Variants in SLC24A2 observed in about 807,000 individuals in gnomAD.
The protein encoded by SLC24A2 is sodium/potassium/calcium exchanger 2.
Under a neutral mutation model 62.0 loss-of-function variants are expected in SLC24A2, and 36 were observed. The ratio of observed to expected loss-of-function variants is 0.58; its 90% CI spans 0.44 to 0.77. The LOEUF (loss-of-function observed/expected upper bound fraction) is 0.77. Among genes scored for constraint, SLC24A2 ranks in the 30% least tolerant of loss-of-function variants. The pLI is 0.00. For missense variants in SLC24A2, 846 were observed against 817.9 expected, an observed-to-expected ratio of 1.03 and a Z score of -0.42; for synonymous variants, 358 against 294.0, an observed-to-expected ratio of 1.22 and a Z score of -2.23.
chr9:20,297,212 G>C, the SLC24A2 span, among the ~76,000 whole-genome samples: 1 of 152,118 alleles, frequency 6.6e-6, no homozygotes, highest in African/African-American at 2.4e-5. Flanking sequence ...CAGTCAGACT[G>C]TCCAGGTGCT....
intron 2 of SLC24A2, among the ~76,000 whole-genome samples, chr9:19,722,156 GTAGTTC>G (rs1821044584): frequency 6.6e-6 from 1 of 152,082 alleles, no homozygotes. Flanking sequence ...GAGTATTTAA[GTAGTTC>G]TATGTATAGT....
At chr9:19,721,912 T>C (rs1426988564) in intron 2 of SLC24A2, among the ~76,000 whole-genome samples, 1 of 152,188 alleles carries the variant, frequency 6.6e-6, no homozygotes, top group East Asian at 1.9e-4. Flanking sequence ...CATTGCTTTT[T>C]TTCAGATAAA....
At chr9:20,260,619 T>C in the SLC24A2 span, among the ~76,000 whole-genome samples, 2 of 152,134 alleles carry the variant, frequency 1.3e-5, no homozygotes, top group Non-Finnish European at 2.9e-5. Flanking sequence ...ACTTCGTAAT[T>C]TCCTTTTTTC....
chr9:20,042,202 G>A, the SLC24A2 span, among the ~76,000 whole-genome samples: 1 of 152,214 alleles, frequency 6.6e-6, no homozygotes, highest in Non-Finnish European at 1.5e-5. Flanking sequence ...CCAGAAGGCA[G>A]CCTCTAAGTA....
At chr9:20,269,623 C>A in the SLC24A2 span, among the ~76,000 whole-genome samples, 1 of 152,146 alleles carries the variant, frequency 6.6e-6, no homozygotes, top group Non-Finnish European at 1.5e-5. Context: ...AAGAGCAAAC[C>A]AAACCCCTAT....
intron 2 of SLC24A2, among the ~76,000 whole-genome samples, chr9:19,622,743 A>T (rs1817939229): frequency 6.6e-6 from 1 of 152,218 alleles, no homozygotes; most frequent in African/African-American, 2.4e-5. Context: ...TAAAGAAAAA[A>T]ATTCTGAAAG....
the SLC24A2 span, among the ~76,000 whole-genome samples, chr9:19,934,845 C>T: frequency 6.6e-6 from 1 of 151,930 alleles, no homozygotes; most frequent in Admixed American, 6.6e-5. The surrounding 1 kb of genome is among the most constrained non-coding windows in gnomAD (Gnocchi z 4.1). Context: ...GTCTTCTCCT[C>T]CAGGGAAAGG....
At chr9:20,289,323 T>C in the SLC24A2 span, among the ~76,000 whole-genome samples, 3 of 152,190 alleles carry the variant, frequency 2.0e-5, no homozygotes, top group East Asian at 1.9e-4. Flanking sequence ...CAATAAATTA[T>C]TGTAATCACC....
chr9:19,668,838 C>G (rs1587126474), intron 2 of SLC24A2, among the ~76,000 whole-genome samples: 1 of 152,280 alleles, frequency 6.6e-6, no homozygotes, highest in South Asian at 2.1e-4. Flanking sequence ...GCCTTTGGTG[C>G]AGAGATCAGG....
At chr9:19,636,846 G>A (rs760904178) in intron 2 of SLC24A2, among the ~76,000 whole-genome samples, 24 of 152,190 alleles carry the variant, frequency 1.6e-4, no homozygotes, top group African/African-American at 4.8e-4. Context: ...AGGAGGCAGC[G>A]GGAAGAGTGT....
chr9:19,949,781 C>T, the SLC24A2 span, among the ~76,000 whole-genome samples: 1 of 152,194 alleles, frequency 6.6e-6, no homozygotes, highest in South Asian at 2.1e-4. Context: ...ATTAGAACAA[C>T]ACCTAGTGGA....
At chr9:20,124,858 G>A in the SLC24A2 span, among the ~76,000 whole-genome samples, 1 of 152,172 alleles carries the variant, frequency 6.6e-6, no homozygotes, top group Non-Finnish European at 1.5e-5. Context: ...AGAATATTGG[G>A]TAGCCCAAGG....
chr9:19,892,140 C>T, the SLC24A2 span, among the ~76,000 whole-genome samples: 1 of 152,060 alleles, frequency 6.6e-6, no homozygotes, highest in Non-Finnish European at 1.5e-5. Context: ...TTTGCACTTG[C>T]TTTTTCTTCC....
the SLC24A2 span, among the ~76,000 whole-genome samples, chr9:20,242,574 A>G: frequency 6.6e-6 from 1 of 152,206 alleles, no homozygotes; most frequent in African/African-American, 2.4e-5. Flanking sequence ...AGGGAAGGGC[A>G]GGGAGCCATG....
the SLC24A2 span, among the ~76,000 whole-genome samples, chr9:20,120,770 A>G: frequency 6.6e-6 from 1 of 152,050 alleles, no homozygotes; most frequent in African/African-American, 2.4e-5. Context: ...GCTTCTGGAG[A>G]TTTTATAGAC....
At chr9:19,888,509 T>C in the SLC24A2 span, among the ~76,000 whole-genome samples, 1 of 152,312 alleles carries the variant, frequency 6.6e-6, no homozygotes, top group East Asian at 1.9e-4. Context: ...AGTGATTAAA[T>C]CTTAGTGGCA....
chr9:20,130,555 A>C, the SLC24A2 span, among the ~76,000 whole-genome samples: 5 of 152,118 alleles, frequency 3.3e-5, no homozygotes, highest in African/African-American at 1.2e-4. Flanking sequence ...TAGCTGAAGC[A>C]GAATTAGGAA....
the SLC24A2 span, among the ~76,000 whole-genome samples, chr9:20,307,040 G>A: frequency 3.9e-5 from 6 of 151,964 alleles, no homozygotes; most frequent in Non-Finnish European, 8.8e-5. Flanking sequence ...TACCATATCT[G>A]CATTCACCCT....
the SLC24A2 span, among the ~76,000 whole-genome samples, chr9:20,028,993 A>G: frequency 6.6e-6 from 1 of 152,172 alleles, no homozygotes. Flanking sequence ...TCCTGGATTT[A>G]TTGTGGAGGC....
Sources: allele counts gnomAD v4.1 joint callset (sites outside exome capture counted in the v4.1 genomes callset), GRCh38; gene constraint gnomAD v4.1.1; non-coding constraint Gnocchi (gnomAD v3.1); transcripts MANE v1.5; gene names NCBI Gene and HGNC (gene_info 2026-07-23, HGNC 2026-07-21).